Variants in ROR2 observed in about 807,000 individuals in gnomAD.
ROR2 encodes the protein tyrosine-protein kinase transmembrane receptor ROR2.
A neutral mutation model predicts 74.9 loss-of-function variants in ROR2; 33 were observed. The observed-to-expected ratio is 0.44, with a 90% CI of 0.33 to 0.59. The LOEUF is 0.59. Ranked by LOEUF, ROR2 falls within the 20% of genes least tolerant of loss-of-function variation. ROR2 has a pLI of 0.02. For synonymous variants in ROR2, 586 were observed against 558.7 expected, an observed-to-expected ratio of 1.05 and a Z score of -0.69; for missense variants, 1,216 against 1,313.8, an observed-to-expected ratio of 0.93 and a Z score of 1.15.
intron 4 of ROR2, among the ~76,000 whole-genome samples, chr9:91,737,774 A>G (rs1413197219): frequency 6.6e-6 from 1 of 152,232 alleles, no homozygotes; most frequent in African/African-American, 2.4e-5. Flanking sequence ...AAACTGTGGT[A>G]CATCCAGACA....
chr9:91,774,503 G>A (rs1028151277), intron 2 of ROR2, among the ~76,000 whole-genome samples: 1 of 152,206 alleles, frequency 6.6e-6, no homozygotes, highest in African/African-American at 2.4e-5. Flanking sequence ...ATGAGGTCAT[G>A]ATGGGGGTGT....
intron 1 of ROR2, among the ~76,000 whole-genome samples, chr9:91,792,381 C>A (rs1249521217): frequency 2.4e-5 from 2 of 84,538 alleles, no homozygotes; most frequent in East Asian, 8.8e-4. Flanking sequence ...AATCTCAGCT[C>A]ACTGCAAGCT....
intron 4 of ROR2, among the ~76,000 whole-genome samples, chr9:91,737,877 T>C (rs991387378): frequency 6.6e-6 from 1 of 152,200 alleles, no homozygotes; most frequent in African/African-American, 2.4e-5. Flanking sequence ...AGAGCCAATC[T>C]GAAGGCTACA....
At chr9:91,848,564 C>A (rs1828995182) in intron 1 of ROR2, among the ~76,000 whole-genome samples, 1 of 152,052 alleles carries the variant, frequency 6.6e-6, no homozygotes, top group Non-Finnish European at 1.5e-5. Context: ...AGTTCAAGAC[C>A]AGCCTGGCCA....
At chr9:91,855,371 C>G (rs1056942040) in intron 1 of ROR2, among the ~76,000 whole-genome samples, 1 of 152,230 alleles carries the variant, frequency 6.6e-6, no homozygotes, top group African/African-American at 2.4e-5. Context: ...GGACTCAGCC[C>G]AGAGAGATCA....
chr9:91,878,352 C>T (rs557202117), intron 1 of ROR2, among the ~76,000 whole-genome samples: 1 of 152,168 alleles, frequency 6.6e-6, no homozygotes, highest in Non-Finnish European at 1.5e-5. Context: ...TGATTCACCC[C>T]TCATGGTCAG....
intron 1 of ROR2, among the ~76,000 whole-genome samples, chr9:91,836,888 G>A (rs750829335): frequency 6.6e-6 from 1 of 152,246 alleles, no homozygotes; most frequent in Non-Finnish European, 1.5e-5. Flanking sequence ...TGTCCATTCA[G>A]TCTGTCTGCT....
At chr9:91,809,944 G>A (rs1432506656) in intron 1 of ROR2, among the ~76,000 whole-genome samples, 1 of 152,232 alleles carries the variant, frequency 6.6e-6, no homozygotes, top group African/African-American at 2.4e-5. Flanking sequence ...TCTCTCACAC[G>A]TCATTTGTGG....
At chr9:91,765,101 T>G (rs1257004744) in intron 2 of ROR2, among the ~76,000 whole-genome samples, 2 of 152,214 alleles carry the variant, frequency 1.3e-5, no homozygotes, top group Non-Finnish European at 2.9e-5. Flanking sequence ...CTATAAAACC[T>G]CTATCAGTAT....
At chr9:91,767,133 G>A (rs1729626294) in intron 2 of ROR2, among the ~76,000 whole-genome samples, 1 of 151,790 alleles carries the variant, frequency 6.6e-6, no homozygotes, top group South Asian at 2.1e-4. Context: ...GGAGTGCAGT[G>A]GCGTGATCTC....
chr9:91,787,683 A>G (rs896841179), intron 1 of ROR2, among the ~76,000 whole-genome samples: 5 of 152,178 alleles, frequency 3.3e-5, no homozygotes, highest in African/African-American at 1.2e-4. Context: ...AAAAGAAAAA[A>G]CACAGCATCA....
intron 1 of ROR2, among the ~76,000 whole-genome samples, chr9:91,794,624 A>G (rs1827110400): frequency 6.6e-6 from 1 of 152,090 alleles, no homozygotes; most frequent in South Asian, 2.1e-4. Context: ...TCTGTCACCC[A>G]GGCCCAGGCT....
At chr9:91,758,561 G>C (rs1482938038) in intron 2 of ROR2, among the ~76,000 whole-genome samples, 3 of 152,228 alleles carry the variant, frequency 2.0e-5, no homozygotes, top group Admixed American at 1.3e-4. Flanking sequence ...CCCAGGTCCA[G>C]AGCAGACAGA....
intron 6 of ROR2, among the ~76,000 whole-genome samples, chr9:91,732,226 C>T (rs1326231902): frequency 1.3e-5 from 2 of 152,184 alleles, no homozygotes; most frequent in African/African-American, 4.8e-5. Context: ...GGCAACAACC[C>T]GTATGGATGC....
At chr9:91,840,861 T>C (rs1427458670) in intron 1 of ROR2, among the ~76,000 whole-genome samples, 1 of 152,278 alleles carries the variant, frequency 6.6e-6, no homozygotes, top group African/African-American at 2.4e-5. Context: ...GCTCCAGCTC[T>C]GTTTCATTCT....
intron 1 of ROR2, among the ~76,000 whole-genome samples, chr9:91,925,466 ATGTG>A (rs35012954): frequency 0.086 from 12,389 of 144,486 alleles, 917 homozygotes; most frequent in African/African-American, 0.2. Flanking sequence ...AGCTGCCTGT[ATGTG>A]TGTGTGTGTG....
chr9:91,926,491 A>G (rs1323996048), intron 1 of ROR2, among the ~76,000 whole-genome samples: 1 of 148,960 alleles, frequency 6.7e-6, no homozygotes, highest in Non-Finnish European at 1.5e-5. Flanking sequence ...GGTAGCAGTG[A>G]GCCAAGATCA....
At chr9:91,757,932 C>T (rs1172062048) in intron 2 of ROR2, among the ~76,000 whole-genome samples, 1 of 152,158 alleles carries the variant, frequency 6.6e-6, no homozygotes, top group African/African-American at 2.4e-5. Context: ...CATGCCTGAA[C>T]GAAGCTTCTC....
intron 1 of ROR2, among the ~76,000 whole-genome samples, chr9:91,776,034 A>C (rs1826410504): frequency 6.6e-6 from 1 of 152,262 alleles, no homozygotes; most frequent in Non-Finnish European, 1.5e-5. Flanking sequence ...TATCACAAGA[A>C]TAGCAAATGC....
Sources: gnomAD v4.1 joint callset for allele counts (sites outside exome capture counted in the v4.1 genomes callset) on GRCh38, gnomAD v4.1.1 for gene constraint, MANE v1.5 for transcripts, NCBI Gene and HGNC (gene_info 2026-07-23, HGNC 2026-07-21) for gene names.